Variants in ZNF407 observed in about 807,000 individuals in gnomAD.
ZNF407 encodes the protein zinc finger protein 407.
In ZNF407, 17 loss-of-function variants were observed where a neutral mutation model predicts 131.2. The ratio of observed to expected loss-of-function variants is 0.13; its 90% confidence interval spans 0.09 to 0.19. ZNF407 has a LOEUF of 0.19. ZNF407 is among the 10% of genes least tolerant of loss of function. The pLI, the probability that ZNF407 is intolerant of heterozygous loss-of-function variation, is 1.00. For synonymous variants in ZNF407, 1,156 were observed against 1,062.0 expected, an observed-to-expected ratio of 1.09 and a Z score of -1.72; for missense variants, 2,681 against 2,830.6, an observed-to-expected ratio of 0.95 and a Z score of 1.20.
chr18:74,612,900 AAAC>A (rs1330424950), intron 1 of ZNF407, among the ~76,000 whole-genome samples: 1 of 152,230 alleles, frequency 6.6e-6, no homozygotes, highest in Non-Finnish European at 1.5e-5. Flanking sequence ...AGAGGGAAGA[AAAC>A]AAAAATCAAG....
chr18:74,748,866 C>T (rs1968732320), intron 3 of ZNF407, among the ~76,000 whole-genome samples: 1 of 152,086 alleles, frequency 6.6e-6, no homozygotes, highest in Non-Finnish European at 1.5e-5. Flanking sequence ...ACACGAAAGC[C>T]GTTGTGTCAC....
At position 74,633,311 on chromosome 18, in the gene ZNF407, A is replaced by G. The variant is rs200573495; in HGVS notation, c.2292A>G (p.Lys764=). Residue 764 remains lysine (K), a synonymous_variant, in exon 2 of 9, where the codon AAA becomes AAG. Transcript: ENST00000299687. The stretch of plus-strand genomic sequence containing the variant: ...GCAAGCATCTTGAAAATGCTAAGAA[A>G]AATAATATTGGCTTAAGCTTTGAAG... ...KRSKHLENAK[K]NNIGLSFEEC... The G allele has an allele frequency of 2.0e-4, 323 of 1,612,770 alleles. No individual in the cohort carries two copies. The highest frequency in any genetic ancestry group is 2.7e-4 in the Non-Finnish European group (315 of 1,179,616).
intron 7 of ZNF407, among the ~76,000 whole-genome samples, chr18:74,904,150 T>C (rs532474904): frequency 6.6e-6 from 1 of 152,306 alleles, no homozygotes; most frequent in East Asian, 1.9e-4. Flanking sequence ...TGTTTTTAGC[T>C]CAGAGACTTT....
At position 74,882,151 on chromosome 18, in the gene ZNF407, C is replaced by A. The variant is rs548712985; in HGVS notation, c.5128+1032C>A. Among the ~76,000 whole-genome samples, 17 of 152,304 alleles carry A rather than the reference C, an allele frequency of 1.1e-4. No individual in the cohort carries two copies. The East Asian group carries it at 3.3e-3, about 29-fold the overall frequency. On this transcript the variant is annotated intron_variant, in intron 6 of 8. Transcript: ENST00000299687. ...AGCAAAACCATATCAGGAACACTTA[C>A]AGATGAAAAGTGTTAAACATTTATC... is the stretch of plus-strand genomic sequence containing the variant.
At chr18:74,999,716 G>C (rs943584500) in intron 8 of ZNF407, among the ~76,000 whole-genome samples, 8 of 152,172 alleles carry the variant, frequency 5.3e-5, no homozygotes, top group Non-Finnish European at 1.2e-4. Context: ...ATGAATATGA[G>C]TCACTTTAGG....
At chr18:74,721,060 A>G (rs1968024082) in intron 3 of ZNF407, among the ~76,000 whole-genome samples, 1 of 151,438 alleles carries the variant, frequency 6.6e-6, no homozygotes, top group Non-Finnish European at 1.5e-5. Context: ...TAGGGATTGC[A>G]TTAAATCTGT....
chr18:74,993,000 G>T (rs1277006150), intron 8 of ZNF407, among the ~76,000 whole-genome samples: 1 of 152,168 alleles, frequency 6.6e-6, no homozygotes, highest in Non-Finnish European at 1.5e-5. Flanking sequence ...GGACATGGAG[G>T]AGCATCTGGA....
chr18:74,926,701 G>T (rs776608453), intron 8 of ZNF407, among the ~76,000 whole-genome samples: 7 of 152,168 alleles, frequency 4.6e-5, no homozygotes, highest in African/African-American at 7.2e-5. Flanking sequence ...TACTTGGGAG[G>T]CTGAGACAGG....
chr18:74,882,598 A>G (rs911070875), intron 6 of ZNF407, among the ~76,000 whole-genome samples: 3 of 152,224 alleles, frequency 2.0e-5, no homozygotes, highest in Non-Finnish European at 2.9e-5. Flanking sequence ...TCAGATTTTC[A>G]TAAGAGATAT....
At chr18:74,624,909 C>A (rs1178422648) in intron 1 of ZNF407, among the ~76,000 whole-genome samples, 1 of 152,236 alleles carries the variant, frequency 6.6e-6, no homozygotes, top group Non-Finnish European at 1.5e-5. Flanking sequence ...GTTAAATATT[C>A]TGCTTGGGAG....
At chr18:74,602,120 C>T (rs1226179175) in intron 1 of ZNF407, among the ~76,000 whole-genome samples, 1 of 152,152 alleles carries the variant, frequency 6.6e-6, no homozygotes, top group Non-Finnish European at 1.5e-5. Context: ...CATAATTGTA[C>T]TAACTCCCTG....
intron 3 of ZNF407, among the ~76,000 whole-genome samples, chr18:74,653,646 T>C (rs1985324338): frequency 6.6e-6 from 1 of 151,858 alleles, no homozygotes; most frequent in African/African-American, 2.4e-5. Flanking sequence ...CATATATTGA[T>C]TCATAGTGAT....
chr18:74,908,271 C>T (rs563034717), intron 7 of ZNF407, among the ~76,000 whole-genome samples: 1 of 152,248 alleles, frequency 6.6e-6, no homozygotes, highest in South Asian at 2.1e-4. Context: ...TTTATGGGAA[C>T]TCTTTCTAAC....
At chr18:74,885,255 ATTGTTT>A (rs1329828204) in intron 6 of ZNF407, among the ~76,000 whole-genome samples, 2 of 152,186 alleles carry the variant, frequency 1.3e-5, no homozygotes, top group African/African-American at 4.8e-5. Flanking sequence ...CTGTTTGTCA[ATTGTTT>A]TTAAATAAGA....
intron 8 of ZNF407, among the ~76,000 whole-genome samples, chr18:75,020,408 C>T (rs572642494): frequency 6.6e-5 from 10 of 151,860 alleles, no homozygotes; most frequent in African/African-American, 2.2e-4. Context: ...GAAGGTGTTC[C>T]CTGCACATAA....
At chr18:74,748,701 A>G (rs1469895818) in intron 3 of ZNF407, among the ~76,000 whole-genome samples, 2 of 152,214 alleles carry the variant, frequency 1.3e-5, no homozygotes, top group Non-Finnish European at 2.9e-5. Flanking sequence ...AACATGTACC[A>G]TTAAAAGACT....
In ZNF407 at chr18:74,635,956, C is replaced by T. The variant is rs141190919; in HGVS notation, c.4687+250C>T. Among the ~76,000 whole-genome samples the T allele has an allele frequency of 1.7e-3, 256 of 152,292 alleles. 1 individual carries two copies. Among genetic ancestry groups the T allele is most frequent in the African/African-American group, 5.9e-3 (246 of 41,558 alleles). On this transcript the variant is annotated intron_variant, in intron 2 of 8. Coordinates refer to ENST00000299687, the MANE Select transcript of ZNF407 (RefSeq NM_017757.3). This position sits in a 1 kb window ranked among gnomAD's most constrained non-coding sequence, Gnocchi z 4.7. ...TTAATTTTGTCAAAAAGCCTAGTCCCTCTGATGCCTTTTAAAAACTGCTGT... is the reference window on the plus strand; with the variant it reads ...TTAATTTTGTCAAAAAGCCTAGTCCTTCTGATGCCTTTTAAAAACTGCTGT...
chr18:74,713,849 C>T (rs1056095997), intron 3 of ZNF407, among the ~76,000 whole-genome samples: 1 of 152,020 alleles, frequency 6.6e-6, no homozygotes, highest in Non-Finnish European at 1.5e-5. Context: ...CCCTTTCTTT[C>T]TAAATGACAA....
At chr18:74,686,948 G>C (rs759883758) in intron 3 of ZNF407, among the ~76,000 whole-genome samples, 2 of 152,158 alleles carry the variant, frequency 1.3e-5, no homozygotes, top group African/African-American at 4.8e-5. Context: ...TTAGGTACCC[G>C]TACTTTTCTA....
Sources: allele counts gnomAD v4.1 joint callset (sites outside exome capture counted in the v4.1 genomes callset), GRCh38; gene constraint gnomAD v4.1.1; non-coding constraint Gnocchi (gnomAD v3.1); transcripts MANE v1.5; gene names NCBI Gene and HGNC (gene_info 2026-07-23, HGNC 2026-07-21).